The following CLUH variants were observed in gnomAD, a reference collection of about 807,000 sequenced individuals.
CLUH encodes CLUH binding protein of NUMT mRNA, also known as clustered mitochondria protein homolog.
In CLUH, 77 loss-of-function variants were observed where a neutral mutation model predicts 139.3. That is an observed-to-expected ratio of 0.55 (90% CI 0.46 to 0.67). CLUH has a LOEUF of 0.67. CLUH is among the 30% of genes least tolerant of loss of function. CLUH has a pLI of 0.00. For missense variants in CLUH, 1,876 were observed against 1,875.8 expected (o/e 1.00, Z 0.00); for synonymous variants, 999 against 801.6 (o/e 1.25, Z -4.16).
At chr17:2,708,628 G>A (rs2070417999) in intron 1 of CLUH, among the ~76,000 whole-genome samples, 1 of 151,998 alleles carries the variant, frequency 6.6e-6, no homozygotes, top group South Asian at 2.1e-4. Context: ...AAAAAAAAAG[G>A]AAAGAAAAAA....
At chr17:2,702,563 C>T (rs1289746882) in intron 3 of CLUH, among the ~76,000 whole-genome samples, 1 of 152,170 alleles carries the variant, frequency 6.6e-6, no homozygotes, top group Non-Finnish European at 1.5e-5. Flanking sequence ...CAACTGTGGG[C>T]GCTGTTGAGC....
chr17:2,704,692 C>G lies in CLUH; in HGVS notation c.101-128G>C. On this transcript the variant is annotated intron_variant, in intron 1 of 25. Transcript: ENST00000651024. This position sits in a 1 kb window ranked among gnomAD's most constrained non-coding sequence, Gnocchi z 5.7. ...CATGCCCTCGAGAGTCCCAGCCTCACGGTCGCGCCTCGCCCTCCGTGCACC... is the reference window on the plus strand; with the variant it reads ...CATGCCCTCGAGAGTCCCAGCCTCAGGGTCGCGCCTCGCCCTCCGTGCACC... 6 of 907,500 alleles carry G rather than the reference C, an allele frequency of 6.6e-6. No individual in the cohort carries two copies. Among genetic ancestry groups the G allele is most frequent in the Non-Finnish European group, 1.6e-6 (1 of 613,362 alleles). The allele number at this position is 907,500 out of a possible 1,614,324, so 56.2% of individuals were successfully genotyped here.
Position 2,698,276 on chromosome 17 carries a change from G to C in CLUH, c.1581C>G (p.Pro527=). 6.2e-7 allele frequency: 1 copy of C among 1,610,810 alleles called. No individual in the cohort carries two copies. Among genetic ancestry groups the C allele is most frequent in the Non-Finnish European group, 8.5e-7 (1 of 1,178,986 alleles). ...GYRVTAQSII[P]GILERDQEQS... ...GCTCCTGGTCCCGCTCCAGGATGCC[G>C]GGGATGATGGACTGGGCCGTGACCC... The change falls in exon 10 of 26, where the codon CCC becomes CCG. Residue 527 remains proline (P), a synonymous_variant. Coordinates refer to ENST00000651024, the MANE Select transcript of CLUH (RefSeq NM_001366661.1).
intron 9 of CLUH, 48 bp downstream of exon 9, chr17:2,700,334 A>G: frequency 6.5e-7 from 1 of 1,539,986 alleles, no homozygotes; most frequent in Non-Finnish European, 8.9e-7. Flanking sequence ...ACCCGTCAGC[A>G]GGTGGACAGC....
At chr17:2,693,311 G>A (rs1158858786) in intron 19 of CLUH, among the ~76,000 whole-genome samples, 1 of 152,032 alleles carries the variant, frequency 6.6e-6, no homozygotes, top group Non-Finnish European at 1.5e-5. Flanking sequence ...TGGGAGAATC[G>A]CTTGAGCCCA....
Position 2,690,484 on chromosome 17 carries a change from T to C in CLUH, c.*110A>G, listed in dbSNP as rs758420086. 1.7e-4 allele frequency: 166 copies of C among 991,686 alleles called. No homozygotes were observed. The African/African-American group carries it at 2.3e-3, about 14-fold the overall frequency. 61.4% of individuals were successfully genotyped at this position (991,686 alleles called of 1,614,324 possible). The stretch of plus-strand genomic sequence containing the variant: ...CACGGGGGTGGGGTGGGGTGAGACG[T>C]GGAGGAAGAGGGCCTTGCTTCCTCT... On this transcript the variant is annotated 3_prime_UTR_variant, in exon 26 of 26. Transcript: ENST00000651024.
Position 2,692,571 on chromosome 17 carries a change from G to A in CLUH, c.3438C>T (p.Asp1146=), listed in dbSNP as rs762314998. The A allele has an allele frequency of 5.0e-6, 8 of 1,610,862 alleles. No individual in the cohort carries two copies. Among genetic ancestry groups the A allele is most frequent in the African/African-American group, 4.0e-5 (3 of 74,866 alleles). ...GCCGCCCCCCCGCCCCAGCACTCAC[G>A]TCCAGCAGCGCCATCTCGGGGTGGT... is the stretch of plus-strand genomic sequence containing the variant. ...GEDHPEMALL[D]NNIGLVLHGV... The change falls in exon 21 of 26, where the codon GAC becomes GAT. Residue 1146 remains aspartate, a splice_region_variant and synonymous_variant. Coordinates refer to ENST00000651024, the MANE Select transcript of CLUH (RefSeq NM_001366661.1).
Position 2,697,890 on chromosome 17 carries a change from C to G in CLUH, c.1961+6G>C, listed in dbSNP as rs748953084. 1.3e-6 allele frequency: 2 copies of G among 1,488,628 alleles called. No homozygotes were observed. Among genetic ancestry groups the G allele is most frequent in the African/African-American group, 2.8e-5 (2 of 72,146 alleles). The allele number at this position is 1,488,628 out of a possible 1,614,324, so 92.2% of individuals were successfully genotyped here. A position where few individuals can be genotyped will look rare whatever the true frequency, so the allele number is the denominator to read the frequency against. On this transcript the variant is annotated splice_donor_region_variant and intron_variant, in intron 10 of 25. Coordinates refer to ENST00000651024, the MANE Select transcript of CLUH (RefSeq NM_001366661.1). ...CCGGCCCTGGTCCGGCAGGGCCGCC[C>G]CTCACCTGTGCTCCACGAAGGCGTC...
chr17:2,692,621 G>C lies in CLUH; in HGVS notation c.3388C>G (p.Leu1130Val). 1 of 1,612,916 alleles carries C rather than the reference G, an allele frequency of 6.2e-7. No homozygotes were observed. Among genetic ancestry groups the C allele is most frequent in the Non-Finnish European group, 8.5e-7 (1 of 1,179,604 alleles). Residue 1130 changes from leucine to valine, a missense_variant, in exon 21 of 26, where the codon CTC (leucine) becomes GTC (valine). This residue lies in a region of CLUH where 1,454 missense variants were observed against 1,384.4 expected (regional missense o/e 1.05). Coordinates refer to ENST00000651024, the MANE Select transcript of CLUH (RefSeq NM_001366661.1). Reference sequence around the variant, plus strand: ...TCTTCCCCGAACACCAGCAGCATGAGGTAGCGGGCGCGGTACAGCAGGCTC... The same window carrying C: ...TCTTCCCCGAACACCAGCAGCATGACGTAGCGGGCGCGGTACAGCAGGCTC... ...ALSLLYRARY[L>V]MLLVFGEDHP...
intron 21 of CLUH, 25 bp from the exon 22 acceptor site, chr17:2,692,507 T>C: frequency 6.3e-7 from 1 of 1,597,038 alleles, no homozygotes; most frequent in Non-Finnish European, 8.5e-7. Context: ...TGGGGGGCCC[T>C]GGTCAGCTCC....
At chr17:2,694,087 A>G (rs767485795) in intron 18 of CLUH, 36 bp downstream of exon 18, 1 of 1,613,396 alleles carries the variant, frequency 6.2e-7, no homozygotes, top group African/African-American at 1.3e-5. Context: ...GCCATGGGGA[A>G]CCCCCACCTC....
Position 2,692,819 on chromosome 17 carries a change from C to T in CLUH, c.3273G>A (p.Arg1091=), listed in dbSNP as rs1261862825. ...NQQKAVLMSE[R]VMGTEHPNTI... is the part of the protein sequence containing the mutation. ...TGTTGGGGTGCTCGGTGCCCATCACCCGCTCGCTCATCAGCACCGCCTTCT... is the reference window on the plus strand; with the variant it reads ...TGTTGGGGTGCTCGGTGCCCATCACTCGCTCGCTCATCAGCACCGCCTTCT... Residue 1091 remains arginine (R), a synonymous_variant, in exon 20 of 26, where the codon CGG becomes CGA. Coordinates refer to ENST00000651024, the MANE Select transcript of CLUH (RefSeq NM_001366661.1). 3 of 1,604,458 alleles carry T rather than the reference C, an allele frequency of 1.9e-6. No individual in the cohort carries two copies. Among genetic ancestry groups the T allele is most frequent in the African/African-American group, 1.3e-5 (1 of 74,626 alleles).
At chr17:2,695,667 T>C (rs1189962399) in intron 13 of CLUH, 141 bp from the exon 14 acceptor site, 1 of 1,160,108 alleles carries the variant, frequency 8.6e-7, no homozygotes, top group Non-Finnish European at 1.2e-6. Flanking sequence ...TGTCAGAATG[T>C]GCCCAGCCTC....
At chr17:2,695,129 G>A (rs376101197) in intron 15 of CLUH, 28 bp from the exon 16 acceptor site, 3 of 1,612,514 alleles carry the variant, frequency 1.9e-6, no homozygotes, top group South Asian at 1.1e-5. Context: ...TCCGAGTCAT[G>A]AGGGCCCTCA....
rs1319797986 is a variant in CLUH at position 2,697,884 on chromosome 17, G to A, written c.1961+12C>T. ...CTGGCCCCGGCCCTGGTCCGGCAGGGCCGCCCCTCACCTGTGCTCCACGAA... is the reference window on the plus strand; with the variant it reads ...CTGGCCCCGGCCCTGGTCCGGCAGGACCGCCCCTCACCTGTGCTCCACGAA... On this transcript the variant is annotated intron_variant, in intron 10 of 25. Coordinates refer to ENST00000651024, the MANE Select transcript of CLUH (RefSeq NM_001366661.1). 1.4e-6 allele frequency: 2 copies of A among 1,469,506 alleles called. No homozygotes were observed. The highest frequency in any genetic ancestry group is 2.3e-5 in the Admixed American group (1 of 42,846). 91.0% of individuals were successfully genotyped at this position (1,469,506 alleles called of 1,614,324 possible).
At chr17:2,691,973 C>CCCCGCCCCCGCGG in intron 23 of CLUH, 31 bp downstream of exon 23, 2 of 466,828 alleles carry the variant, frequency 4.3e-6, no homozygotes, top group African/African-American at 5.3e-5. Flanking sequence ...CCCCGCCCCG[C>CCCCGCCCCCGCGG]CCCCGCCCCC....
chr17:2,708,251 C>A (rs1027907716), intron 1 of CLUH, among the ~76,000 whole-genome samples: 1 of 152,170 alleles, frequency 6.6e-6, no homozygotes, highest in Non-Finnish European at 1.5e-5. Context: ...CTTCACAGCC[C>A]CCATGGAAGG....
rs753308512 is a variant in CLUH at position 2,703,356 on chromosome 17, T to A, written c.437A>T (p.Glu146Val). 9 of 1,612,644 alleles carry A rather than the reference T, an allele frequency of 5.6e-6. No homozygotes were observed. In the Admixed American group the frequency reaches 1.5e-4, roughly 27 times the overall value. The change falls in exon 3 of 26, where the codon GAG (glutamate) becomes GTG (valine). Residue 146 changes from glutamate to valine, a missense_variant. Physicochemically the swap from Glu to Val is moderately radical, Grantham distance 121. This residue lies in a region of CLUH where 270 missense variants were observed against 354.7 expected (regional missense o/e 0.76). Coordinates refer to ENST00000651024, the MANE Select transcript of CLUH (RefSeq NM_001366661.1). This position sits in a 1 kb window ranked among gnomAD's most constrained non-coding sequence, Gnocchi z 4.2. ...CAGCACAGAGCCCTCCTGCAGCCCC[T>A]CGACGCTGCGCAGCTCCGAGAAGTG... is the stretch of plus-strand genomic sequence containing the variant. ...LDHFSELRSV[E>V]GLQEGSVLRV...
Position 2,690,794 on chromosome 17 carries a change from G to A in CLUH, c.3864-17C>T, listed in dbSNP as rs762746977. The A allele has an allele frequency of 1.4e-6, 2 of 1,470,320 alleles. No homozygotes were observed. Among genetic ancestry groups the A allele is most frequent in the Middle Eastern group, 2.3e-4 (1 of 4,270 alleles). The allele number at this position is 1,470,320 out of a possible 1,614,324, so 91.1% of individuals were successfully genotyped here. On this transcript the variant is annotated splice_polypyrimidine_tract_variant and intron_variant, in intron 25 of 25. Coordinates refer to ENST00000651024, the MANE Select transcript of CLUH (RefSeq NM_001366661.1). ...TCTTTTTGGCTGAGGATAAGGGTGG[G>A]GATGGAGGTGGCTCTCAGAGGAGTC...
Sources: allele counts gnomAD v4.1 joint callset (sites outside exome capture counted in the v4.1 genomes callset), GRCh38; gene constraint gnomAD v4.1.1; regional missense constraint gnomAD v4.1.1; non-coding constraint Gnocchi (gnomAD v3.1); transcripts MANE v1.5; gene names NCBI Gene and HGNC (gene_info 2026-07-23, HGNC 2026-07-21).